Variants in MCTP2 observed in about 807,000 individuals in gnomAD.
MCTP2 encodes the protein multiple C2 and transmembrane domain-containing protein 2.
Under a neutral mutation model 111.6 loss-of-function variants are expected in MCTP2, and 132 were observed. That is an observed-to-expected ratio of 1.18 (90% CI 1.03 to 1.37). The LOEUF is 1.37. MCTP2 is among the 40% of genes most tolerant of loss of function. The probability of loss-of-function intolerance (pLI) is 0.00; values close to 1 mark genes in which losing one functional copy is unlikely to be tolerated. For synonymous variants in MCTP2, 395 were observed against 387.7 expected (o/e 1.02, Z -0.22); for missense variants, 1,183 against 1,067.9 (o/e 1.11, Z -1.50).
chr15:94,366,084 A>C (rs1341016436), intron 10 of MCTP2, among the ~76,000 whole-genome samples: 1 of 152,206 alleles, frequency 6.6e-6, no homozygotes, highest in Non-Finnish European at 1.5e-5. Context: ...TTTCTTTCCA[A>C]GCAAATTTGA....
chr15:94,320,680 G>A (rs2076594101), intron 4 of MCTP2, among the ~76,000 whole-genome samples: 1 of 152,120 alleles, frequency 6.6e-6, no homozygotes, highest in African/African-American at 2.4e-5. Flanking sequence ...CTACACTGGT[G>A]TTCTTCTGGG....
intron 4 of MCTP2, among the ~76,000 whole-genome samples, chr15:94,334,773 C>T (rs1398029016): frequency 6.6e-6 from 1 of 151,996 alleles, no homozygotes; most frequent in Non-Finnish European, 1.5e-5. Flanking sequence ...GTCTCAAACT[C>T]CTGGCCTCAA....
At chr15:94,293,688 GC>G in intron 1 of MCTP2, among the ~76,000 whole-genome samples, 1 of 152,268 alleles carries the variant, frequency 6.6e-6, no homozygotes, top group East Asian at 1.9e-4. Context: ...TATTAGAATG[GC>G]TAAAATTAAA....
At chr15:94,418,623 C>T (rs1051221857) in intron 17 of MCTP2, among the ~76,000 whole-genome samples, 16 of 152,086 alleles carry the variant, frequency 1.1e-4, no homozygotes, top group Admixed American at 1.0e-3. Flanking sequence ...ACTTTTTAAA[C>T]TACTTTTTCT....
At chr15:94,283,617 AC>A (rs1190025841) in intron 1 of MCTP2, among the ~76,000 whole-genome samples, 2 of 151,824 alleles carry the variant, frequency 1.3e-5, no homozygotes, top group East Asian at 3.9e-4. Context: ...CTGCTTGGCA[AC>A]CCCATGTAGA....
chr15:94,426,851 G>A (rs2082918260), intron 17 of MCTP2, among the ~76,000 whole-genome samples: 1 of 152,100 alleles, frequency 6.6e-6, no homozygotes, highest in East Asian at 1.9e-4. Flanking sequence ...TCCAAGGTAG[G>A]ATTCCAGGCA....
intron 1 of MCTP2, among the ~76,000 whole-genome samples, chr15:94,275,631 T>A (rs1266629497): frequency 6.6e-6 from 1 of 152,168 alleles, no homozygotes; most frequent in Non-Finnish European, 1.5e-5. Context: ...TGCAACTCAC[T>A]GATAATCTTG....
intron 8 of MCTP2, among the ~76,000 whole-genome samples, chr15:94,352,796 CTT>C (rs1261890340): frequency 6.6e-6 from 1 of 152,186 alleles, no homozygotes; most frequent in Non-Finnish European, 1.5e-5. Flanking sequence ...GCACAAAAGA[CTT>C]TTGCGAGCCC....
At chr15:94,390,562 C>T (rs1427865855) in intron 14 of MCTP2, among the ~76,000 whole-genome samples, 1 of 152,056 alleles carries the variant, frequency 6.6e-6, no homozygotes, top group Admixed American at 6.5e-5. Flanking sequence ...TTGAATCACA[C>T]ATTTACCCTT....
chr15:94,477,031 TG>T lies in MCTP2; in HGVS notation c.2568+240del, dbSNP rs2074421268. 2.0e-5 allele frequency among the ~76,000 whole-genome samples: 3 copies of T among 152,216 alleles called. 1 individual carries two copies. Among genetic ancestry groups the T allele is most frequent in the Admixed American group, 6.5e-5 (1 of 15,276 alleles). On this transcript the variant is annotated intron_variant, in intron 22 of 22. Transcript: ENST00000357742. Reference sequence around the variant, plus strand: ...AGTATGATCTGGAACTCACACTGTGTGGCTACTGGGCACTGATGCTTGTCCC... The same window carrying T: ...AGTATGATCTGGAACTCACACTGTGTGCTACTGGGCACTGATGCTTGTCCC...
chr15:94,461,027 G>GCA (rs1567756437), intron 20 of MCTP2, among the ~76,000 whole-genome samples: 1 of 150,854 alleles, frequency 6.6e-6, no homozygotes, highest in African/African-American at 2.4e-5. Flanking sequence ...TGATGGGTTG[G>GCA]GGGGGACCCC....
rs189999499 is a variant in MCTP2 at position 94,244,687 on chromosome 15, C to T, written c.-66+13023C>T. 2.7e-3 allele frequency among the ~76,000 whole-genome samples: 390 copies of T among 146,156 alleles called. 24 individuals carry two copies. Among genetic ancestry groups the T allele is most frequent in the African/African-American group, 8.7e-3 (338 of 38,814 alleles). The stretch of plus-strand genomic sequence containing the variant: ...ATACATATCCACCTATGTTTATATA[C>T]GTATATGTATACACATACATATGCA... On this transcript the variant is annotated intron_variant, in intron 1 of 22. Coordinates refer to ENST00000357742, the MANE Select transcript of MCTP2 (RefSeq NM_001385001.1).
chr15:94,413,248 A>G (rs935283095), intron 17 of MCTP2, among the ~76,000 whole-genome samples: 5 of 152,108 alleles, frequency 3.3e-5, no homozygotes, highest in Non-Finnish European at 7.4e-5. Context: ...ATTTGATACA[A>G]TCGTCTATAA....
At chr15:94,422,026 T>C (rs2082651824) in intron 17 of MCTP2, among the ~76,000 whole-genome samples, 2 of 152,198 alleles carry the variant, frequency 1.3e-5, no homozygotes, top group African/African-American at 2.4e-5. Context: ...AGAGGTTATG[T>C]ACTATAGACA....
rs112628473 is a variant in MCTP2 at position 94,242,897 on chromosome 15, A to G, written c.-66+11233A>G. Among the ~76,000 whole-genome samples, 1,102 of 147,676 alleles carry G rather than the reference A, an allele frequency of 7.5e-3. 20 individuals are homozygous for G. Among genetic ancestry groups the G allele is most frequent in the African/African-American group, 0.026 (1,027 of 39,772 alleles). On this transcript the variant is annotated intron_variant, in intron 1 of 22. Coordinates refer to ENST00000357742, the MANE Select transcript of MCTP2 (RefSeq NM_001385001.1). ...CTGACAGTGTTTCCTAAATATATGT[A>G]TATATATGTATACACATATACACGT...
At chr15:94,382,903 C>A (rs1040334651) in intron 12 of MCTP2, among the ~76,000 whole-genome samples, 12 of 152,246 alleles carry the variant, frequency 7.9e-5, no homozygotes, top group South Asian at 2.1e-4. Context: ...CCAGATCCTT[C>A]CGCCAAACAC....
intron 1 of MCTP2, among the ~76,000 whole-genome samples, chr15:94,290,239 A>G (rs1483508351): frequency 6.6e-6 from 1 of 152,174 alleles, no homozygotes; most frequent in Non-Finnish European, 1.5e-5. Flanking sequence ...AAAGTAATAA[A>G]TTTATCTTTT....
chr15:94,367,836 T>C (rs1161354367), intron 11 of MCTP2, 45 bp downstream of exon 11: 1 of 1,501,316 alleles, frequency 6.7e-7, no homozygotes, highest in South Asian at 1.2e-5. Context: ...TCCCACCTTC[T>C]CTTTTAAAAC....
At chr15:94,281,257 A>G (rs959670854) in intron 1 of MCTP2, among the ~76,000 whole-genome samples, 4 of 152,200 alleles carry the variant, frequency 2.6e-5, no homozygotes, top group Admixed American at 2.6e-4. Context: ...TGTTGGGTAC[A>G]TATAAATTTA....
Sources: allele counts gnomAD v4.1 joint callset (sites outside exome capture counted in the v4.1 genomes callset), GRCh38; gene constraint gnomAD v4.1.1; transcripts MANE v1.5; gene names NCBI Gene and HGNC (gene_info 2026-07-23, HGNC 2026-07-21).